The following FEZ2 variants were observed in gnomAD, a reference collection of about 807,000 sequenced individuals.
FEZ2 encodes fasciculation and elongation protein zeta 2.
A neutral mutation model predicts 40.4 loss-of-function variants in FEZ2; 51 were observed. That is an observed-to-expected ratio of 1.26 (90% CI 1.01 to 1.59). The LOEUF is 1.59. Among genes scored for constraint, FEZ2 ranks in the 40% most tolerant of loss-of-function variants. The probability of loss-of-function intolerance (pLI) is 0.00; values close to 1 mark genes in which losing one functional copy is unlikely to be tolerated. For missense variants in FEZ2, 640 were observed against 438.3 expected, an observed-to-expected ratio of 1.46 and a Z score of -4.11; for synonymous variants, 242 against 172.0, an observed-to-expected ratio of 1.41 and a Z score of -3.18.
intron 2 of FEZ2, among the ~76,000 whole-genome samples, chr2:36,586,664 G>T (rs192180504): frequency 8.8e-4 from 133 of 151,936 alleles, no homozygotes; most frequent in African/African-American, 3.1e-3. Context: ...GGAAGCCCAG[G>T]TTGCCATGGC....
chr2:36,579,705 T>A (rs1668678264), intron 4 of FEZ2, among the ~76,000 whole-genome samples: 1 of 152,100 alleles, frequency 6.6e-6, no homozygotes, highest in South Asian at 2.1e-4. Context: ...AAACCTCTTT[T>A]CGTATAAATT....
chr2:36,589,441 T>A (rs1373380223), intron 2 of FEZ2, among the ~76,000 whole-genome samples: 1 of 152,146 alleles, frequency 6.6e-6, no homozygotes, highest in East Asian at 1.9e-4. Flanking sequence ...AGGTGAGGAT[T>A]CCCCCCAAGT....
rs1558454178 is a variant in FEZ2 at position 36,581,369 on chromosome 2, A to G, written c.555T>C (p.Pro185=). 1.2e-6 allele frequency: 2 copies of G among 1,613,186 alleles called. No individual in the cohort carries two copies. The highest frequency in any genetic ancestry group is 3.3e-5 in the Admixed American group (2 of 59,988). The change falls in exon 4 of 8, where the codon CCT becomes CCC. Residue 185 remains proline (P), a synonymous_variant. Transcript: ENST00000405912. Reference sequence around the variant, plus strand: ...GCATTGAAAGCCGATCTGACTGTGTAGGGGTTTCATCATCTTCTGGGTCCG... The same window carrying G: ...GCATTGAAAGCCGATCTGACTGTGTGGGGGTTTCATCATCTTCTGGGTCCG... The part of the protein sequence containing the change: ...ESPDPEDDET[P]TQSDRLSMLS...
intron 3 of FEZ2, chr2:36,581,674 T>C (rs750850814): frequency 5.7e-5 from 24 of 417,976 alleles, no homozygotes; most frequent in Non-Finnish European, 9.5e-5. Flanking sequence ...ACTACGTCCA[T>C]CATGATTCAG....
intron 2 of FEZ2, chr2:36,589,981 T>C (rs1056296462): frequency 1.3e-5 from 2 of 152,066 alleles, no homozygotes; most frequent in Non-Finnish European, 2.9e-5. Flanking sequence ...ACTTAGATAA[T>C]TTGGATATGT....
At chr2:36,591,105 A>G in intron 1 of FEZ2, 94 bp from the exon 2 acceptor site, 1 of 775,844 alleles carries the variant, frequency 1.3e-6, no homozygotes, top group South Asian at 1.6e-5. Context: ...CAAATGTCAA[A>G]GGAAACAGAG....
At chr2:36,580,098 C>G (rs1668688769) in intron 4 of FEZ2, among the ~76,000 whole-genome samples, 1 of 152,200 alleles carries the variant, frequency 6.6e-6, no homozygotes, top group South Asian at 2.1e-4. Flanking sequence ...GACTTCTGGC[C>G]TCCAGAACTA....
chr2:36,587,538 T>C (rs575604683), intron 2 of FEZ2, among the ~76,000 whole-genome samples: 3 of 152,262 alleles, frequency 2.0e-5, no homozygotes, highest in African/African-American at 7.2e-5. Context: ...AAAAGACATA[T>C]CAAATTTAGA....
chr2:36,591,054 G>T, intron 1 of FEZ2, 43 bp from the exon 2 acceptor site: 1 of 1,193,236 alleles, frequency 8.4e-7, no homozygotes, highest in Non-Finnish European at 1.2e-6. Context: ...TTAACATTCT[G>T]TATGTCTTTC....
intron 7 of FEZ2, chr2:36,554,036 C>T (rs1329114411): frequency 7.3e-6 from 2 of 273,450 alleles, no homozygotes; most frequent in Admixed American, 8.6e-5. Context: ...TCTCTGACTA[C>T]AGTCTCCACT....
chr2:36,592,841 T>C (rs1394487235), intron 1 of FEZ2, among the ~76,000 whole-genome samples: 1 of 151,758 alleles, frequency 6.6e-6, no homozygotes, highest in Admixed American at 6.6e-5. Context: ...AAATAAAAAA[T>C]AAAATTAGCC....
intron 6 of FEZ2, chr2:36,558,044 GAAAT>G (rs1315649731): frequency 6.5e-6 from 1 of 154,100 alleles, no homozygotes; most frequent in Non-Finnish European, 1.4e-5. Flanking sequence ...ACATTCATAA[GAAAT>G]AAAAAGTGTT....
At chr2:36,571,248 C>A (rs1387238571) in intron 5 of FEZ2, among the ~76,000 whole-genome samples, 1 of 152,214 alleles carries the variant, frequency 6.6e-6, no homozygotes, top group Non-Finnish European at 1.5e-5. Context: ...CCTACAATGA[C>A]CTTCTATCAT....
At chr2:36,560,533 G>C (rs1413616632) in intron 5 of FEZ2, among the ~76,000 whole-genome samples, 1 of 152,184 alleles carries the variant, frequency 6.6e-6, no homozygotes, top group Non-Finnish European at 1.5e-5. Context: ...AAAACTAAGA[G>C]TGAAAAATGG....
chr2:36,581,517 G>T, intron 3 of FEZ2, 86 bp from the exon 4 acceptor site: 1 of 1,173,212 alleles, frequency 8.5e-7, no homozygotes, highest in Non-Finnish European at 1.3e-6. Context: ...AAGGCACCCA[G>T]AGCAGAAATG....
At chr2:36,559,943 G>T (rs190945073) in intron 5 of FEZ2, among the ~76,000 whole-genome samples, 1 of 152,218 alleles carries the variant, frequency 6.6e-6, no homozygotes, top group Non-Finnish European at 1.5e-5. Context: ...CCCTTCCGGA[G>T]AAACACTTAA....
intron 2 of FEZ2, 185 bp downstream of exon 2, chr2:36,590,718 C>A (rs1346806290): frequency 7.6e-6 from 4 of 525,644 alleles, no homozygotes; most frequent in East Asian, 3.2e-5. Context: ...TGGAGAAGAA[C>A]TGGAGGAATG....
At chr2:36,592,662 A>AG (rs1386203398) in intron 1 of FEZ2, among the ~76,000 whole-genome samples, 2 of 151,240 alleles carry the variant, frequency 1.3e-5, no homozygotes, top group Non-Finnish European at 2.9e-5. Context: ...AAAAAAAAAA[A>AG]AAAATTGGCC....
intron 2 of FEZ2, among the ~76,000 whole-genome samples, chr2:36,587,789 G>C (rs1241802599): frequency 6.6e-6 from 1 of 151,892 alleles, no homozygotes; most frequent in Non-Finnish European, 1.5e-5. Context: ...CAGTCACTTT[G>C]CCAGATTAAA....
Sources: gnomAD v4.1 joint callset for allele counts (sites outside exome capture counted in the v4.1 genomes callset) on GRCh38, gnomAD v4.1.1 for gene constraint, MANE v1.5 for transcripts, NCBI Gene and HGNC (gene_info 2026-07-23, HGNC 2026-07-21) for gene names.